Variants in BRINP1 observed in about 807,000 individuals in gnomAD.
BRINP1 encodes the protein BMP/retinoic acid-inducible neural-specific protein 1.
A neutral mutation model predicts 72.9 loss-of-function variants in BRINP1; 17 were observed. That is an observed-to-expected ratio of 0.23 (90% CI 0.16 to 0.35). The LOEUF (loss-of-function observed/expected upper bound fraction) is 0.35. BRINP1 is among the 10% of genes least tolerant of loss of function. The pLI is 1.00. For synonymous variants in BRINP1, 418 were observed against 378.5 expected, an observed-to-expected ratio of 1.10 and a Z score of -1.21; for missense variants, 850 against 1,001.6, an observed-to-expected ratio of 0.85 and a Z score of 2.04.
chr9:119,241,912 G>A, intron 4 of BRINP1, 135 bp downstream of exon 4: 1 of 881,094 alleles, frequency 1.1e-6, no homozygotes, highest in Non-Finnish European at 1.8e-6. Context: ...ATCAGTCAAA[G>A]CAGCTGGCAG....
chr9:119,368,866 G>C lies in BRINP1; in HGVS notation c.-51+190C>G, dbSNP rs1026084884. ...CACTCAAACCCGCAATTAGCCCTTTGAGCCCCAGGCACAGGAACCCCCTCC... is the reference window on the plus strand; with the variant it reads ...CACTCAAACCCGCAATTAGCCCTTTCAGCCCCAGGCACAGGAACCCCCTCC... On this transcript the variant is annotated intron_variant, in intron 1 of 7. Coordinates refer to ENST00000265922, the MANE Select transcript of BRINP1 (RefSeq NM_014618.3). This position sits in a 1 kb window ranked among gnomAD's most constrained non-coding sequence, Gnocchi z 4.7. Among the ~76,000 whole-genome samples, 51 of 152,010 alleles carry C rather than the reference G, an allele frequency of 3.4e-4. 1 individual carries two copies. Among genetic ancestry groups the C allele is most frequent in the Non-Finnish European group, 1.9e-4 (13 of 67,976 alleles).
At chr9:119,171,663 A>C (rs1273058143) in intron 7 of BRINP1, among the ~76,000 whole-genome samples, 2 of 102,566 alleles carry the variant, frequency 1.9e-5, no homozygotes, top group Non-Finnish European at 3.8e-5. Flanking sequence ...CTCCACCCCA[A>C]ATCAACAGAA....
chr9:119,327,782 A>G (rs1831254427), intron 1 of BRINP1, among the ~76,000 whole-genome samples: 1 of 152,184 alleles, frequency 6.6e-6, no homozygotes, highest in Non-Finnish European at 1.5e-5. Context: ...TATTCATGAC[A>G]ATAAAGAATA....
intron 3 of BRINP1, among the ~76,000 whole-genome samples, chr9:119,248,511 AAC>A (rs1389280305): frequency 6.6e-6 from 1 of 152,204 alleles, no homozygotes; most frequent in Non-Finnish European, 1.5e-5. Context: ...CTTTCCCATT[AAC>A]CTACTCTAAG....
intron 2 of BRINP1, 138 bp downstream of exon 2, chr9:119,313,000 A>C: frequency 1.0e-6 from 1 of 982,478 alleles, no homozygotes; most frequent in African/African-American, 1.6e-5. Context: ...AAAAAAATTA[A>C]TCAAAAACAG....
intron 7 of BRINP1, among the ~76,000 whole-genome samples, chr9:119,172,168 C>T (rs1291963537): frequency 6.6e-6 from 1 of 151,894 alleles, no homozygotes; most frequent in African/African-American, 2.4e-5. Flanking sequence ...CACAAAAAAC[C>T]CATCAAAAAG....
At chr9:119,325,036 G>A (rs1564248651) in intron 1 of BRINP1, among the ~76,000 whole-genome samples, 1 of 151,958 alleles carries the variant, frequency 6.6e-6, no homozygotes, top group Admixed American at 6.6e-5. Context: ...GGAGGCGAAA[G>A]TTGTAGTGAG....
intron 2 of BRINP1, among the ~76,000 whole-genome samples, chr9:119,274,276 G>C (rs905715103): frequency 6.6e-6 from 1 of 152,224 alleles, no homozygotes; most frequent in Non-Finnish European, 1.5e-5. Context: ...AGTAGAAGGA[G>C]AACCCAGCGT....
intron 2 of BRINP1, among the ~76,000 whole-genome samples, chr9:119,299,001 T>C (rs1830910839): frequency 6.6e-6 from 1 of 152,196 alleles, no homozygotes; most frequent in Admixed American, 6.5e-5. Context: ...TTGATGTATG[T>C]ATACATTGAG....
At chr9:119,247,955 A>G (rs976257879) in intron 3 of BRINP1, among the ~76,000 whole-genome samples, 1 of 152,218 alleles carries the variant, frequency 6.6e-6, no homozygotes, top group Non-Finnish European at 1.5e-5. Flanking sequence ...CATTCCCCAC[A>G]TTATGAATCG....
At chr9:119,258,150 T>C (rs1390523435) in intron 2 of BRINP1, among the ~76,000 whole-genome samples, 1 of 152,200 alleles carries the variant, frequency 6.6e-6, no homozygotes, top group Non-Finnish European at 1.5e-5. Context: ...TAAGTAATGA[T>C]AGTTTTACTC....
intron 2 of BRINP1, among the ~76,000 whole-genome samples, chr9:119,302,967 G>T (rs1830954521): frequency 6.6e-6 from 1 of 152,108 alleles, no homozygotes; most frequent in South Asian, 2.1e-4. Flanking sequence ...GGCTAACAGA[G>T]TGCATACACA....
intron 1 of BRINP1, among the ~76,000 whole-genome samples, chr9:119,335,036 C>T (rs1831334282): frequency 6.6e-6 from 1 of 152,148 alleles, no homozygotes; most frequent in Admixed American, 6.5e-5. Flanking sequence ...CCATGCACTG[C>T]TGGAGAGCAG....
At chr9:119,173,529 A>G (rs1192111990) in intron 7 of BRINP1, among the ~76,000 whole-genome samples, 2 of 152,208 alleles carry the variant, frequency 1.3e-5, no homozygotes, top group Admixed American at 1.3e-4. Context: ...GGTAGGAAGA[A>G]TCAATATCAT....
At chr9:119,306,407 G>T (rs1054435325) in intron 2 of BRINP1, among the ~76,000 whole-genome samples, 1 of 152,148 alleles carries the variant, frequency 6.6e-6, no homozygotes, top group Non-Finnish European at 1.5e-5. Context: ...TAAAAAATTT[G>T]GATTAAGCGA....
intron 2 of BRINP1, among the ~76,000 whole-genome samples, chr9:119,289,038 G>C (rs1218773530): frequency 6.6e-6 from 1 of 152,176 alleles, no homozygotes; most frequent in African/African-American, 2.4e-5. Flanking sequence ...GACCTCAAGT[G>C]ATCCACCCGC....
chr9:119,169,489 A>G (rs971121366), intron 7 of BRINP1, among the ~76,000 whole-genome samples: 4 of 152,186 alleles, frequency 2.6e-5, no homozygotes, highest in Non-Finnish European at 5.9e-5. Context: ...CTACGCCCAC[A>G]GAGTCTCGCT....
intron 2 of BRINP1, among the ~76,000 whole-genome samples, chr9:119,254,832 CT>C (rs1370594928): frequency 6.6e-6 from 1 of 152,186 alleles, no homozygotes; most frequent in Non-Finnish European, 1.5e-5. Flanking sequence ...TCCAATAAAA[CT>C]TTATTTACAA....
chr9:119,302,494 G>A (rs1207300369), intron 2 of BRINP1, among the ~76,000 whole-genome samples: 3 of 151,846 alleles, frequency 2.0e-5, no homozygotes, highest in African/African-American at 7.3e-5. Context: ...TTTTGGGGGG[G>A]CCTATGGGAA....
Sources: allele counts gnomAD v4.1 joint callset (sites outside exome capture counted in the v4.1 genomes callset), GRCh38; gene constraint gnomAD v4.1.1; non-coding constraint Gnocchi (gnomAD v3.1); transcripts MANE v1.5; gene names NCBI Gene and HGNC (gene_info 2026-07-23, HGNC 2026-07-21).